GNE: variants seen among roughly 807,000 people sequenced by gnomAD.
GNE encodes the protein glucosamine (UDP-N-acetyl)-2-epimerase/N-acetylmannosamine kinase, also known as bifunctional UDP-N-acetylglucosamine 2-epimerase/N-acetylmannosamine kinase.
Under a neutral mutation model 61.8 loss-of-function variants are expected in GNE, and 41 were observed. That is an observed-to-expected ratio of 0.66 (90% CI 0.52 to 0.86). GNE has a LOEUF of 0.86. Among genes scored for constraint, GNE ranks in the 40% least tolerant of loss-of-function variants. The pLI, the probability that GNE is intolerant of heterozygous loss-of-function variation, is 0.00. For missense variants in GNE, 608 were observed against 909.1 expected, an observed-to-expected ratio of 0.67 and a Z score of 4.26; for synonymous variants, 264 against 326.4, an observed-to-expected ratio of 0.81 and a Z score of 2.06.
rs1828280800 is a variant in GNE, at chr9:36,216,327, A to ATGTGTGTGTGTGGGTGTGTGTG, written c.*1037_*1038insCACACACACCCACACACACACA. 1 of 336,026 alleles carries ATGTGTGTGTGTGGGTGTGTGTG rather than the reference A, an allele frequency of 3.0e-6. No individual in the cohort carries two copies. The allele number at this position is 336,026 out of a possible 1,614,324, so 20.8% of individuals were successfully genotyped here. A position where few individuals can be genotyped will look rare whatever the true frequency, so the allele number is the denominator to read the frequency against. On this transcript the variant is annotated 3_prime_UTR_variant, in exon 12 of 12. Transcript: ENST00000642385. ...TTAGTTTGGGGTTAGAGGAGGAAGG[A>ATGTGTGTGTGTGGGTGTGTGTG]TGTGTGTGTGTGTGTGTGTGTGTGT...
intron 7 of GNE, among the ~76,000 whole-genome samples, chr9:36,226,387 T>G (rs993989750): frequency 1.1e-4 from 17 of 151,946 alleles, no homozygotes; most frequent in African/African-American, 4.1e-4. Flanking sequence ...TTTCACCATG[T>G]TGTCCAAGCT....
intron 2 of GNE, among the ~76,000 whole-genome samples, chr9:36,247,916 C>T (rs1389730618): frequency 6.6e-6 from 1 of 151,108 alleles, no homozygotes; most frequent in Non-Finnish European, 1.5e-5. Flanking sequence ...ATCCCAGCTA[C>T]TCGGAAGGCT....
chr9:36,272,293 T>G (rs1281599497), intron 1 of GNE, among the ~76,000 whole-genome samples: 1 of 152,012 alleles, frequency 6.6e-6, no homozygotes, highest in Non-Finnish European at 1.5e-5. Context: ...AGTTTTTAAT[T>G]AGGGAAATGG....
At chr9:36,259,040 G>A (rs114237883), upstream of GNE, among the ~76,000 whole-genome samples, 1,773 of 152,286 alleles carry the variant, frequency 0.012, 36 homozygotes, top group African/African-American at 0.039. Flanking sequence ...GAAACGTGGC[G>A]GTGGTAAAGG....
intron 9 of GNE, among the ~76,000 whole-genome samples, chr9:36,221,711 T>G (rs141211554): frequency 6.6e-6 from 1 of 152,278 alleles, no homozygotes; most frequent in Non-Finnish European, 1.5e-5. Flanking sequence ...CCAGGTGCAG[T>G]GGGTCATGCC....
rs371928653 is a variant in GNE, at chr9:36,217,320, C to T, written c.*45G>A. 2.0e-5 allele frequency: 26 copies of T among 1,270,014 alleles called. No individual in the cohort carries two copies. The African/African-American group carries it at 2.5e-4, about 12-fold the overall frequency. The allele number at this position is 1,270,014 out of a possible 1,614,324, so 78.7% of individuals were successfully genotyped here. A position where few individuals can be genotyped will look rare whatever the true frequency, so the allele number is the denominator to read the frequency against. ...CATCCTAAAGACAAGAACTTGATTC[C>T]ACTCAGGAGCTCTGGAGAGAAGGTC... On this transcript the variant is annotated 3_prime_UTR_variant, in exon 12 of 12. Transcript: ENST00000642385.
rs148865433 is a variant in GNE, at chr9:36,255,971, C to G, written c.-43+2350G>C. On this transcript the variant is annotated intron_variant, in intron 1 of 11. Coordinates refer to ENST00000642385, the MANE Select transcript of GNE (RefSeq NM_005476.7). ...ACAGGGTCTCACTCTGTTGCCCAGG[C>G]TGGAGTGCAGTGACATGATCTCAGC... Among the ~76,000 whole-genome samples, 821 of 152,314 alleles carry G rather than the reference C, an allele frequency of 5.4e-3. 9 individuals are homozygous for G. Among genetic ancestry groups the G allele is most frequent in the African/African-American group, 0.018 (753 of 41,568 alleles).
chr9:36,217,249 A>G lies in GNE; in HGVS notation c.*116T>C. On this transcript the variant is annotated 3_prime_UTR_variant, in exon 12 of 12. Transcript: ENST00000642385. Reference sequence around the variant, plus strand: ...CCAAAAGTGAAAACATTTCTCTGCCAAAGTCACCTGCAGTTCAATACCAGA... The same window carrying G: ...CCAAAAGTGAAAACATTTCTCTGCCGAAGTCACCTGCAGTTCAATACCAGA... The G allele has an allele frequency of 1.3e-6, 1 of 758,142 alleles. No individual in the cohort carries two copies. Among genetic ancestry groups the G allele is most frequent in the South Asian group, 1.5e-5 (1 of 67,736 alleles). 47.0% of individuals were successfully genotyped at this position (758,142 alleles called of 1,614,324 possible).
chr9:36,260,298 A>G (rs1445460549), upstream of GNE, among the ~76,000 whole-genome samples: 1 of 147,206 alleles, frequency 6.8e-6, no homozygotes, highest in East Asian at 1.9e-4. Context: ...AAAAAAAAAA[A>G]GAAAGAAAGA....
chr9:36,259,822 G>A (rs1010751190), upstream of GNE, among the ~76,000 whole-genome samples: 12 of 151,958 alleles, frequency 7.9e-5, no homozygotes, highest in Admixed American at 1.3e-4. Context: ...CACCATGCCC[G>A]GCTAATTTTT....
intron 5 of GNE, among the ~76,000 whole-genome samples, chr9:36,231,282 A>G (rs1829145566): frequency 6.6e-6 from 1 of 152,060 alleles, no homozygotes; most frequent in Non-Finnish European, 1.5e-5. Context: ...CTGGACAACA[A>G]AGCAAGACCC....
At chr9:36,251,735 G>C (rs1830111723) in intron 1 of GNE, among the ~76,000 whole-genome samples, 1 of 152,076 alleles carries the variant, frequency 6.6e-6, no homozygotes, top group Non-Finnish European at 1.5e-5. Flanking sequence ...AATTCTAGGG[G>C]TGCCATCCTT....
rs1828524732 is a variant in GNE, at chr9:36,220,126, T to C, written c.1634-106A>G. 4.4e-6 allele frequency: 4 copies of C among 905,922 alleles called. No homozygotes were observed. The South Asian group carries it at 5.4e-5, about 12-fold the overall frequency. The allele number at this position is 905,922 out of a possible 1,614,324, so 56.1% of individuals were successfully genotyped here. ...CAGAGCTTTGGCATGTGAGGGTCTATAGATACTTCTTTAGACAGCTGAAGC... is the reference window on the plus strand; with the variant it reads ...CAGAGCTTTGGCATGTGAGGGTCTACAGATACTTCTTTAGACAGCTGAAGC... On this transcript the variant is annotated intron_variant, in intron 9 of 11. Transcript: ENST00000642385.
chr9:36,217,348 T>G lies in GNE; in HGVS notation c.*17A>C. The G allele has an allele frequency of 2.6e-6, 4 of 1,521,862 alleles. No homozygotes were observed. Among genetic ancestry groups the G allele is most frequent in the Non-Finnish European group, 3.6e-6 (4 of 1,096,930 alleles). The allele number at this position is 1,521,862 out of a possible 1,614,324, so 94.3% of individuals were successfully genotyped here. On this transcript the variant is annotated 3_prime_UTR_variant, in exon 12 of 12. Transcript: ENST00000642385. ...TCAGGAGCTCTGGAGAGAAGGTCCATGTCTGTTCCTGGAGGTCTAGTAGAT... is the reference window on the plus strand; with the variant it reads ...TCAGGAGCTCTGGAGAGAAGGTCCAGGTCTGTTCCTGGAGGTCTAGTAGAT...
Position 36,214,756 on chromosome 9 carries a change from T to TG in GNE, c.*2608dup, listed in dbSNP as rs1370819855. The TG allele has an allele frequency of 6.6e-6, 1 of 152,132 alleles. No homozygotes were observed. The highest frequency in any genetic ancestry group is 1.5e-5 in the Non-Finnish European group (1 of 68,034). 9.4% of individuals were successfully genotyped at this position (152,132 alleles called of 1,614,324 possible). ...ATTATCTCACCCCAGACTCAGAAACTGAGCAGCCAAGCTTCCTTCCCAGGA... is the reference window on the plus strand; with the variant it reads ...ATTATCTCACCCCAGACTCAGAAACTGGAGCAGCCAAGCTTCCTTCCCAGGA... On this transcript the variant is annotated 3_prime_UTR_variant, in exon 12 of 12. Transcript: ENST00000642385.
chr9:36,218,036 C>T lies in GNE; in HGVS notation c.1933+147G>A. Reference sequence around the variant, plus strand: ...TACCTTGAATCCAATTCCCTTTTTACCTCTGAGTAATTAGGAAAGAAACCT... The same window carrying T: ...TACCTTGAATCCAATTCCCTTTTTATCTCTGAGTAATTAGGAAAGAAACCT... On this transcript the variant is annotated intron_variant, in intron 11 of 11. Transcript: ENST00000642385. The surrounding 1 kb of genome is among the most constrained non-coding windows in gnomAD (Gnocchi z 4.1). 1 of 762,564 alleles carries T rather than the reference C, an allele frequency of 1.3e-6. No homozygotes were observed. The allele number at this position is 762,564 out of a possible 1,614,324, so 47.2% of individuals were successfully genotyped here. A position where few individuals can be genotyped will look rare whatever the true frequency, so the allele number is the denominator to read the frequency against.
chr9:36,249,234 A>C lies in GNE; in HGVS notation c.122T>G (p.Leu41Arg), dbSNP rs1444052332. The C allele has an allele frequency of 1.2e-6, 2 of 1,614,060 alleles. No individual in the cohort carries two copies. The highest frequency in any genetic ancestry group is 1.7e-6 in the Non-Finnish European group (2 of 1,180,018). ...GTGAGAGCCAAGTACCACAACATCA[A>C]GTTCAAAGAACTCAGGTTCGGTTTT... ...GIKTEPEFFELDVVVLGSHLI... is the reference protein window; with the variant it reads ...GIKTEPEFFERDVVVLGSHLI... The change falls in exon 2 of 12, where the codon CTT becomes CGT. Residue 41 changes from leucine to arginine, a missense_variant. By Grantham distance (102) the Leu-to-Arg change is moderately radical (BLOSUM62 -2). Coordinates refer to ENST00000642385, the MANE Select transcript of GNE (RefSeq NM_005476.7).
chr9:36,224,060 T>G (rs1054409711), intron 7 of GNE, among the ~76,000 whole-genome samples: 6 of 150,736 alleles, frequency 4.0e-5, no homozygotes, highest in Non-Finnish European at 7.4e-5. Flanking sequence ...CCGGGCCCCT[T>G]TCTTAAGCTT....
rs112139960 is a variant in GNE at position 36,235,904 on chromosome 9, T to C, written c.769+928A>G. 1.3e-4 allele frequency among the ~76,000 whole-genome samples: 20 copies of C among 152,304 alleles called. 1 individual carries two copies. The highest frequency in any genetic ancestry group is 4.8e-4 in the African/African-American group (20 of 41,562). On this transcript the variant is annotated intron_variant, in intron 4 of 11. Transcript: ENST00000642385. ...AAAGATAACCAGTGTTTGGAAATTC[T>C]TCAGTGTTAGGCTATGTTCTGACAT...
Sources: gnomAD v4.1 joint callset for allele counts (sites outside exome capture counted in the v4.1 genomes callset) on GRCh38, gnomAD v4.1.1 for gene constraint, Gnocchi (gnomAD v3.1) non-coding constraint, MANE v1.5 for transcripts, NCBI Gene and HGNC (gene_info 2026-07-23, HGNC 2026-07-21) for gene names.